The following CFAP74 variants were observed in gnomAD, a reference collection of about 807,000 sequenced individuals.
CFAP74 encodes the protein cilia and flagella associated protein 74, also known as cilia- and flagella-associated protein 74.
In CFAP74, 124 loss-of-function variants were observed where a neutral mutation model predicts 188.9. That is an observed-to-expected ratio of 0.66 (90% CI 0.57 to 0.76). CFAP74 has a LOEUF of 0.76. CFAP74 is among the 30% of genes least tolerant of loss of function. The pLI is 0.00. For synonymous variants in CFAP74, 956 were observed against 916.7 expected (o/e 1.04, Z -0.77); for missense variants, 2,198 against 2,165.2 (o/e 1.02, Z -0.30).
chr1:1,957,066 CAAG>C (rs896814831), intron 16 of CFAP74, among the ~76,000 whole-genome samples: 1 of 152,254 alleles, frequency 6.6e-6, no homozygotes, highest in African/African-American at 2.4e-5. Context: ...AGGGCCTAAA[CAAG>C]GAGCCTGGAC....
intron 25 of CFAP74, 64 bp from the exon 26 acceptor site, chr1:1,930,400 G>T: frequency 1.4e-6 from 2 of 1,443,234 alleles, no homozygotes; most frequent in Non-Finnish European, 1.8e-6. Context: ...TGCGGCAGGC[G>T]CGGGGGCCAC....
At chr1:1,971,205 A>G (rs1486234065) in intron 9 of CFAP74, among the ~76,000 whole-genome samples, 1 of 150,542 alleles carries the variant, frequency 6.6e-6, no homozygotes, top group African/African-American at 2.5e-5. Flanking sequence ...GCTTACATGC[A>G]CACCTGCACA....
rs559124949 is a variant in CFAP74 at position 1,928,453 on chromosome 1, G to A, written c.3387+331C>T. 1.1e-4 allele frequency among the ~76,000 whole-genome samples: 16 copies of A among 152,320 alleles called. No individual in the cohort carries two copies. In the South Asian group the frequency reaches 3.1e-3, roughly 30 times the overall value. On this transcript the variant is annotated intron_variant, in intron 27 of 38. Transcript: ENST00000682832. ...TGGGGCAGATTCTGCAGGACACTCC[G>A]TGTTTCAGGTGCGCCTCCCGGGGCC...
In CFAP74 at chr1:1,963,806, A is replaced by G; in HGVS notation, c.1637T>C (p.Ile546Thr). The G allele has an allele frequency of 6.2e-7, 1 of 1,613,962 alleles. No individual in the cohort carries two copies. The highest frequency in any genetic ancestry group is 8.5e-7 in the Non-Finnish European group (1 of 1,179,964). The change falls in exon 14 of 39, where the codon ATC (isoleucine) becomes ACC (threonine). Residue 546 changes from isoleucine (I) to threonine (T), a missense_variant. Ile to Thr is a moderately conservative substitution (Grantham distance 89). Coordinates refer to ENST00000682832, the MANE Select transcript of CFAP74 (RefSeq NM_001304360.2). ...KITLVNTTYT[I>T]NYCKLVGVEE... Reference sequence around the variant, plus strand: ...CACGCCCACCAGCTTGCAGTAGTTGATCGTGTAGGTGGTGTTTACCAACGT... The same window carrying G: ...CACGCCCACCAGCTTGCAGTAGTTGGTCGTGTAGGTGGTGTTTACCAACGT...
intron 13 of CFAP74, 83 bp downstream of exon 13, chr1:1,964,805 G>C (rs1261071860): frequency 9.4e-6 from 14 of 1,483,386 alleles, no homozygotes; most frequent in Non-Finnish European, 1.2e-5. Flanking sequence ...AAAGCAAAAG[G>C]TGTCAGGGGT....
chr1:1,935,596 G>T (rs1162204994), intron 25 of CFAP74, among the ~76,000 whole-genome samples: 4 of 151,470 alleles, frequency 2.6e-5, no homozygotes, highest in Non-Finnish European at 5.9e-5. Context: ...AGGTACACAG[G>T]TATGTAATGA....
Position 1,989,486 on chromosome 1 carries a change from G to A in CFAP74, c.68-513C>T, listed in dbSNP as rs534140139. Among the ~76,000 whole-genome samples, 141 of 152,104 alleles carry A rather than the reference G, an allele frequency of 9.3e-4. 1 individual carries two copies. Among genetic ancestry groups the A allele is most frequent in the African/African-American group, 3.0e-3 (125 of 41,564 alleles). On this transcript the variant is annotated intron_variant, in intron 2 of 38. Coordinates refer to ENST00000682832, the MANE Select transcript of CFAP74 (RefSeq NM_001304360.2). ...CGTTCGGCGTAGTCATGAACCTGAC[G>A]TGGAGTCTCTGTTGCCCAGGCTGGA...
intron 1 of CFAP74, among the ~76,000 whole-genome samples, chr1:1,994,296 T>C (rs1326096480): frequency 6.0e-5 from 9 of 151,156 alleles, no homozygotes; most frequent in Non-Finnish European, 1.0e-4. Flanking sequence ...GAAATGTACA[T>C]AAATGTTGAC....
intron 1 of CFAP74, among the ~76,000 whole-genome samples, chr1:1,997,157 G>A (rs1005642199): frequency 2.0e-5 from 3 of 151,912 alleles, no homozygotes; most frequent in Middle Eastern, 3.2e-3. Context: ...GCGCGGTGGC[G>A]CACGCCTGTA....
At chr1:1,960,162 G>A (rs1020521261) in intron 14 of CFAP74, 132 bp from the exon 15 acceptor site, 32 of 734,536 alleles carry the variant, frequency 4.4e-5, no homozygotes, top group African/African-American at 3.4e-4. Context: ...CTGCCCAGCC[G>A]CCTTCACCCC....
intron 4 of CFAP74, chr1:1,988,107 C>T (rs528329339): frequency 1.5e-5 from 7 of 473,084 alleles, no homozygotes; most frequent in South Asian, 7.7e-5. Context: ...CCACTCTCCG[C>T]TGAATGTTTT....
At position 1,923,064 on chromosome 1, in the gene CFAP74, T is replaced by C; in HGVS notation, c.4604A>G (p.Asp1535Gly). 6.2e-7 allele frequency: 1 copy of C among 1,609,432 alleles called. No individual in the cohort carries two copies. Among genetic ancestry groups the C allele is most frequent in the Admixed American group, 1.7e-5 (1 of 58,780 alleles). ...ILVTLDYIQF[D>G]TDTPAPPATR... Reference sequence around the variant, plus strand: ...GGCAGGTGGGGCTGGCGTGTCTGTGTCAAACTGGATGTAGTCCAGGGTCAC... The same window carrying C: ...GGCAGGTGGGGCTGGCGTGTCTGTGCCAAACTGGATGTAGTCCAGGGTCAC... Residue 1535 changes from aspartate to glycine, a missense_variant, in exon 37 of 39, where the codon GAC becomes GGC. Asp to Gly is a moderately conservative substitution (Grantham distance 94). Coordinates refer to ENST00000682832, the MANE Select transcript of CFAP74 (RefSeq NM_001304360.2). This position sits in a 1 kb window ranked among gnomAD's most constrained non-coding sequence, Gnocchi z 6.3.
intron 25 of CFAP74, among the ~76,000 whole-genome samples, chr1:1,930,720 G>A (rs980769762): frequency 6.6e-6 from 1 of 152,144 alleles, no homozygotes; most frequent in African/African-American, 2.4e-5. Context: ...TGTGTCCTGG[G>A]TAGCTAAAAA....
At position 1,970,786 on chromosome 1, in the gene CFAP74, G is replaced by C. The variant is rs140201417; in HGVS notation, c.919C>G (p.Arg307Gly). ...DTLRKFQAWDRAKAELAEQRV... is the reference protein window; with the variant it reads ...DTLRKFQAWDGAKAELAEQRV... ...TGCTCCGCCAGCTCTGCCTTGGCAC[G>C]GTCCCATGCTTGGAACTTCCGCAGT... The change falls in exon 10 of 39, where the codon CGT becomes GGT. Residue 307 changes from arginine (R) to glycine (G), a missense_variant. Physicochemically the swap from Arg to Gly is moderately radical, Grantham distance 125 (BLOSUM62 -2). Transcript: ENST00000682832. 1.9e-5 allele frequency: 30 copies of C among 1,614,130 alleles called. No individual in the cohort carries two copies. Among genetic ancestry groups the C allele is most frequent in the Non-Finnish European group, 2.5e-5 (30 of 1,180,010 alleles).
At chr1:1,996,271 C>T (rs565080195) in intron 1 of CFAP74, among the ~76,000 whole-genome samples, 1 of 152,264 alleles carries the variant, frequency 6.6e-6, no homozygotes, top group African/African-American at 2.4e-5. Flanking sequence ...AGGTGTGAAC[C>T]ACTGTGCCTG....
intron 6 of CFAP74, among the ~76,000 whole-genome samples, chr1:1,980,077 A>G (rs1656734955): frequency 7.1e-6 from 1 of 140,350 alleles, no homozygotes; most frequent in Non-Finnish European, 1.6e-5. Flanking sequence ...CCGCGTGGGG[A>G]GGACGGGTGA....
intron 25 of CFAP74, among the ~76,000 whole-genome samples, chr1:1,931,020 G>C (rs1652325203): frequency 3.3e-5 from 5 of 152,228 alleles, no homozygotes; most frequent in East Asian, 1.9e-4. Context: ...ATTTTATGCT[G>C]TAAAGGACAA....
intron 23 of CFAP74, among the ~76,000 whole-genome samples, chr1:1,940,066 CAT>C (rs146857488): frequency 0.011 from 1,703 of 152,336 alleles, 25 homozygotes; most frequent in African/African-American, 0.039. Context: ...GGGCACCCCT[CAT>C]GTGTGCACAT....
rs1439977316 is a variant in CFAP74, at chr1:1,925,941, A to C, written c.3949-3T>G. On this transcript the variant is annotated splice_polypyrimidine_tract_variant and splice_region_variant and intron_variant, in intron 32 of 38. Transcript: ENST00000682832. ...ATGATGTCCAGTGTTTCTTGAGCCTAAAGAGACCACATCGCTCAGCCAGGA... is the reference window on the plus strand; with the variant it reads ...ATGATGTCCAGTGTTTCTTGAGCCTCAAGAGACCACATCGCTCAGCCAGGA... 1 of 1,601,404 alleles carries C rather than the reference A, an allele frequency of 6.2e-7. No homozygotes were observed. The highest frequency in any genetic ancestry group is 1.3e-5 in the African/African-American group (1 of 74,646).
Sources: allele counts gnomAD v4.1 joint callset (sites outside exome capture counted in the v4.1 genomes callset), GRCh38; gene constraint gnomAD v4.1.1; non-coding constraint Gnocchi (gnomAD v3.1); transcripts MANE v1.5; gene names NCBI Gene and HGNC (gene_info 2026-07-23, HGNC 2026-07-21).